RBFOX1: variants seen among roughly 807,000 people sequenced by gnomAD.
RBFOX1 encodes RNA binding protein fox-1 homolog 1.
RBFOX1 carries 8 observed loss-of-function variants against 57.7 expected under a neutral mutation model. That is an observed-to-expected ratio of 0.14 (90% CI 0.08 to 0.25). The LOEUF (loss-of-function observed/expected upper bound fraction) is 0.25. Among genes scored for constraint, RBFOX1 ranks in the 10% least tolerant of loss-of-function variants. RBFOX1 has a pLI of 1.00. For synonymous variants in RBFOX1, 326 were observed against 222.4 expected, an observed-to-expected ratio of 1.47 and a Z score of -4.15; for missense variants, 611 against 548.5, an observed-to-expected ratio of 1.11 and a Z score of -1.14.
chr16:7,651,175 A>T (rs1472295811), intron 11 of RBFOX1, among the ~76,000 whole-genome samples: 1 of 152,240 alleles, frequency 6.6e-6, no homozygotes, highest in Non-Finnish European at 1.5e-5. Context: ...TGATAGAAAG[A>T]TGCGGTAGAA....
intron 3 of RBFOX1, among the ~76,000 whole-genome samples, chr16:5,861,400 G>A (rs1270558389): frequency 6.6e-6 from 1 of 152,192 alleles, no homozygotes; most frequent in Admixed American, 6.5e-5. Context: ...CCTCCTGTCA[G>A]ATTGGGACAA....
chr16:6,545,523 G>C lies in RBFOX1; in HGVS notation c.-63-109080G>C, dbSNP rs75687567. Among the ~76,000 whole-genome samples the C allele has an allele frequency of 2.7e-4, 41 of 152,166 alleles. No homozygotes were observed. The East Asian group carries it at 7.7e-3, about 29-fold the overall frequency. On this transcript the variant is annotated intron_variant, in intron 2 of 15. Coordinates refer to ENST00000550418, the MANE Select transcript of RBFOX1 (RefSeq NM_018723.4). Reference sequence around the variant, plus strand: ...AGGATGCCTCCTGTCGTGGTCACTTGGCAAGGTCCACTCTTATGTCACATC... The same window carrying C: ...AGGATGCCTCCTGTCGTGGTCACTTCGCAAGGTCCACTCTTATGTCACATC...
chr16:5,854,256 C>A (rs907897160), intron 3 of RBFOX1, among the ~76,000 whole-genome samples: 1 of 152,204 alleles, frequency 6.6e-6, no homozygotes, highest in Non-Finnish European at 1.5e-5. Flanking sequence ...ATTGTCATCA[C>A]AAGACTGTGC....
chr16:6,825,490 C>G (rs1020721903), intron 3 of RBFOX1, among the ~76,000 whole-genome samples: 2 of 152,114 alleles, frequency 1.3e-5, no homozygotes, highest in Non-Finnish European at 2.9e-5. Context: ...TTAGAACAAA[C>G]AAGCTGAGAA....
intron 4 of RBFOX1, among the ~76,000 whole-genome samples, chr16:7,198,738 G>A (rs7186528): frequency 0.073 from 11,155 of 152,232 alleles, 568 homozygotes; most frequent in Non-Finnish European, 0.11. Flanking sequence ...GACTTTATTC[G>A]TGAAAGTGGA....
In RBFOX1 at chr16:6,218,164, G is replaced by A. The variant is rs963501729; in HGVS notation, c.-126-98831G>A. Among the ~76,000 whole-genome samples, 13 of 152,108 alleles carry A rather than the reference G, an allele frequency of 8.5e-5. 1 individual carries two copies. Among genetic ancestry groups the A allele is most frequent in the Admixed American group, 1.3e-4 (2 of 15,268 alleles). ...TAACCAGATCATTTGTTGAGCCCAC[G>A]TGCATTTTCAGTAGAATAATATTAA... On this transcript the variant is annotated intron_variant, in intron 1 of 15. Coordinates refer to ENST00000550418, the MANE Select transcript of RBFOX1 (RefSeq NM_018723.4).
At chr16:6,218,700 G>C (rs989774269) in intron 1 of RBFOX1, among the ~76,000 whole-genome samples, 3 of 152,110 alleles carry the variant, frequency 2.0e-5, no homozygotes, top group African/African-American at 7.2e-5. Context: ...TGTTCTACAT[G>C]GAAAATTTGT....
At chr16:6,433,125 C>T (rs2094143192) in intron 2 of RBFOX1, among the ~76,000 whole-genome samples, 1 of 152,186 alleles carries the variant, frequency 6.6e-6, no homozygotes, top group African/African-American at 2.4e-5. Context: ...GCCATTGCAG[C>T]AGTTCAGGTG....
intron 3 of RBFOX1, among the ~76,000 whole-genome samples, chr16:6,843,181 T>G (rs2093581353): frequency 6.6e-6 from 1 of 152,170 alleles, no homozygotes; most frequent in Non-Finnish European, 1.5e-5. Context: ...AGTTTTCTAT[T>G]AGAGTGGATG....
intron 1 of RBFOX1, among the ~76,000 whole-genome samples, chr16:6,041,064 G>A (rs1196751891): frequency 6.6e-6 from 1 of 152,086 alleles, no homozygotes; most frequent in African/African-American, 2.4e-5. Context: ...ATATCATAGA[G>A]AATAGTTTCC....
intron 2 of RBFOX1, among the ~76,000 whole-genome samples, chr16:6,368,904 A>G (rs889043319): frequency 3.3e-5 from 5 of 152,214 alleles, no homozygotes; most frequent in Admixed American, 2.0e-4. Flanking sequence ...AACGCAGTGG[A>G]ATACTACAGA....
At chr16:6,986,904 A>C (rs1226098274) in intron 3 of RBFOX1, among the ~76,000 whole-genome samples, 1 of 152,136 alleles carries the variant, frequency 6.6e-6, no homozygotes, top group Admixed American at 6.5e-5. Flanking sequence ...GGGACCTGAA[A>C]GGTTATCTAA....
At chr16:5,866,217 T>A (rs112660168) in intron 3 of RBFOX1, among the ~76,000 whole-genome samples, 4,134 of 152,220 alleles carry the variant, frequency 0.027, 95 homozygotes, top group Middle Eastern at 0.044. Context: ...GATCCACCTA[T>A]CTCGGCCTCC....
intron 2 of RBFOX1, among the ~76,000 whole-genome samples, chr16:6,618,260 C>G (rs544475233): frequency 6.6e-6 from 1 of 152,064 alleles, no homozygotes; most frequent in Non-Finnish European, 1.5e-5. Flanking sequence ...TATGTGTATA[C>G]CCTAGAAAAA....
rs539578036 is a variant in RBFOX1 at position 6,818,362 on chromosome 16, A to G, written c.-16+163712A>G. Among the ~76,000 whole-genome samples, 3 of 152,252 alleles carry G rather than the reference A, an allele frequency of 2.0e-5. No individual in the cohort carries two copies. In the South Asian group the frequency reaches 6.2e-4, roughly 32 times the overall value. ...ATACGGAGCTCACCTCACCCATCCC[A>G]CAAGTGGGACTTAAACCAAGTTTAG... On this transcript the variant is annotated intron_variant, in intron 3 of 15. Coordinates refer to ENST00000550418, the MANE Select transcript of RBFOX1 (RefSeq NM_018723.4).
intron 2 of RBFOX1, among the ~76,000 whole-genome samples, chr16:6,564,270 T>C (rs1035511662): frequency 6.6e-6 from 1 of 152,192 alleles, no homozygotes; most frequent in Admixed American, 6.5e-5. Context: ...ACATGCTCTA[T>C]GGTTTTTAAT....
chr16:7,205,481 C>A (rs988391079), intron 4 of RBFOX1, among the ~76,000 whole-genome samples: 8 of 150,264 alleles, frequency 5.3e-5, no homozygotes, highest in African/African-American at 2.0e-4. Flanking sequence ...CCATTGCACT[C>A]CAGCCTGGGT....
intron 3 of RBFOX1, among the ~76,000 whole-genome samples, chr16:5,831,572 C>T (rs1221085944): frequency 1.3e-5 from 2 of 151,592 alleles, no homozygotes; most frequent in Non-Finnish European, 2.9e-5. Context: ...TCGCTGCAAC[C>T]TCCACCTACT....
Position 7,360,196 on chromosome 16 carries a change from T to G in RBFOX1, c.28-157951T>G, listed in dbSNP as rs1055508110. On this transcript the variant is annotated intron_variant, in intron 4 of 15. Coordinates refer to ENST00000550418, the MANE Select transcript of RBFOX1 (RefSeq NM_018723.4). ...TGCATTCTGCATGTCACATGCTATA[T>G]ATAGCATGGTATTATGTTGTAATTA... Among the ~76,000 whole-genome samples the G allele has an allele frequency of 2.0e-5, 3 of 152,186 alleles. 1 individual carries two copies. Among genetic ancestry groups the G allele is most frequent in the Non-Finnish European group, 1.5e-5 (1 of 68,040 alleles).
Sources: allele counts gnomAD v4.1 joint callset (sites outside exome capture counted in the v4.1 genomes callset), GRCh38; gene constraint gnomAD v4.1.1; transcripts MANE v1.5; gene names NCBI Gene and HGNC (gene_info 2026-07-23, HGNC 2026-07-21).